The following LY86 variants were observed in gnomAD, a reference collection of about 807,000 sequenced individuals.
LY86 encodes the protein MD-1, RP105-associated.
Under a neutral mutation model 17.3 loss-of-function variants are expected in LY86, and 20 were observed. That is an observed-to-expected ratio of 1.15 (90% confidence interval 0.81 to 1.68). LY86 has a LOEUF of 1.68. Ranked by LOEUF, LY86 falls within the 40% of genes most tolerant of loss-of-function variation. LY86 has a pLI of 0.00. For synonymous variants in LY86, 74 were observed against 70.6 expected (o/e 1.05, Z -0.24); for missense variants, 200 against 191.9 (o/e 1.04, Z -0.25).
In LY86 at chr6:6,626,407, G is replaced by C; in HGVS notation, c.338G>C (p.Gly113Ala). Residue 113 changes from glycine to alanine, a missense_variant, in exon 3 of 5, where the codon GGA becomes GCA. Physicochemically the swap from Gly to Ala is moderately conservative, Grantham distance 60. Transcript: ENST00000230568. ...EAALPKFSFC[G>A]RRKGEQIYYA... ...GCTCTGCCCAAGTTTTCTTTCTGTGGAAGAAGGAAAGGAGGTAAGCCATCT... is the reference window on the plus strand; with the variant it reads ...GCTCTGCCCAAGTTTTCTTTCTGTGCAAGAAGGAAAGGAGGTAAGCCATCT... 1 of 1,613,810 alleles carries C rather than the reference G, an allele frequency of 6.2e-7. No homozygotes were observed.
At chr6:6,606,569 C>CG (rs977086160) in intron 1 of LY86, among the ~76,000 whole-genome samples, 17 of 152,152 alleles carry the variant, frequency 1.1e-4, no homozygotes, top group Admixed American at 3.9e-4. Flanking sequence ...GCCCACGGAG[C>CG]GGGGGGAGGC....
chr6:6,646,768 C>A (rs369401284), intron 3 of LY86, among the ~76,000 whole-genome samples: 8 of 152,154 alleles, frequency 5.3e-5, no homozygotes, highest in African/African-American at 1.9e-4. Context: ...TATGTCTAAC[C>A]CAACAGCCTT....
chr6:6,645,141 C>T (rs1429860914), intron 3 of LY86, among the ~76,000 whole-genome samples: 1 of 152,076 alleles, frequency 6.6e-6, no homozygotes, highest in Non-Finnish European at 1.5e-5. Context: ...TCATACTCAT[C>T]CATTTTTTAA....
intron 1 of LY86, among the ~76,000 whole-genome samples, chr6:6,614,988 A>G (rs1761518029): frequency 6.6e-6 from 1 of 152,210 alleles, no homozygotes; most frequent in East Asian, 1.9e-4. Flanking sequence ...TTAACGCTTC[A>G]TAAATTCTGT....
chr6:6,611,721 A>G (rs948395868), intron 1 of LY86, among the ~76,000 whole-genome samples: 1 of 152,176 alleles, frequency 6.6e-6, no homozygotes, highest in African/African-American at 2.4e-5. Context: ...CCTGAAAGTC[A>G]GGGGCTATGC....
chr6:6,608,796 C>T (rs142800947), intron 1 of LY86, among the ~76,000 whole-genome samples: 3 of 152,328 alleles, frequency 2.0e-5, no homozygotes, highest in African/African-American at 7.2e-5. Context: ...GAAACTCACA[C>T]GTGGTGTTTA....
At chr6:6,650,636 A>G (rs1299391477) in intron 4 of LY86, among the ~76,000 whole-genome samples, 1 of 152,216 alleles carries the variant, frequency 6.6e-6, no homozygotes, top group Admixed American at 6.5e-5. Flanking sequence ...TTATGGAACA[A>G]TATGAAAAGG....
intron 1 of LY86, among the ~76,000 whole-genome samples, chr6:6,612,676 C>T (rs1761414809): frequency 6.6e-6 from 1 of 152,176 alleles, no homozygotes; most frequent in South Asian, 2.1e-4. Flanking sequence ...GCTGATTGGT[C>T]CGTTTTGACA....
intron 3 of LY86, among the ~76,000 whole-genome samples, chr6:6,634,906 T>C (rs1054582986): frequency 1.3e-5 from 2 of 152,226 alleles, no homozygotes; most frequent in Non-Finnish European, 2.9e-5. Context: ...AAATGCTTTC[T>C]GCAAAATGCC....
chr6:6,607,480 TAAACAAAACAATAA>T lies in LY86; in HGVS notation c.137-17437_137-17424del, dbSNP rs535463493. 2.2e-3 allele frequency among the ~76,000 whole-genome samples: 340 copies of T among 151,368 alleles called. 2 individuals carry two copies. Among genetic ancestry groups the T allele is most frequent in the Non-Finnish European group, 3.6e-3 (245 of 67,740 alleles). ...AATAAAGTATATGATTTCCAAACTA[TAAACAAAACAATAA>T]AAACAAAAGAAAAAATTAAAATATT... is the stretch of plus-strand genomic sequence containing the variant. On this transcript the variant is annotated intron_variant, in intron 1 of 4. Transcript: ENST00000230568.
chr6:6,602,833 T>C (rs867867682), intron 1 of LY86, among the ~76,000 whole-genome samples: 2 of 152,300 alleles, frequency 1.3e-5, no homozygotes, highest in South Asian at 2.1e-4. Context: ...TGGACAAGCT[T>C]ACTCCCACAG....
At chr6:6,614,075 C>T (rs1468157401) in intron 1 of LY86, among the ~76,000 whole-genome samples, 1 of 152,164 alleles carries the variant, frequency 6.6e-6, no homozygotes, top group Non-Finnish European at 1.5e-5. Flanking sequence ...TGTTCAGGAA[C>T]ACAGGCAGCC....
At chr6:6,605,603 A>G (rs562519958) in intron 1 of LY86, among the ~76,000 whole-genome samples, 1 of 152,388 alleles carries the variant, frequency 6.6e-6, no homozygotes, top group East Asian at 1.9e-4. Flanking sequence ...GTCTCATGAC[A>G]TTGCAGCCTC....
intron 3 of LY86, among the ~76,000 whole-genome samples, chr6:6,632,681 A>C (rs562901852): frequency 5.3e-5 from 8 of 152,300 alleles, no homozygotes; most frequent in African/African-American, 1.9e-4. Flanking sequence ...CAAGTCTTTC[A>C]TGGCTATGTT....
intron 1 of LY86, among the ~76,000 whole-genome samples, chr6:6,589,665 G>A (rs1375628774): frequency 1.3e-5 from 2 of 152,120 alleles, no homozygotes; most frequent in Non-Finnish European, 2.9e-5. Flanking sequence ...TTTCTCCTGA[G>A]ACCTCTCTTC....
intron 1 of LY86, among the ~76,000 whole-genome samples, chr6:6,613,235 G>A (rs1164070502): frequency 6.6e-6 from 1 of 152,282 alleles, no homozygotes; most frequent in Admixed American, 6.5e-5. Flanking sequence ...CGGCACTAGG[G>A]CCGCAGGTGG....
chr6:6,605,698 T>C (rs566448009), intron 1 of LY86, among the ~76,000 whole-genome samples: 8 of 152,260 alleles, frequency 5.3e-5, no homozygotes, highest in East Asian at 3.9e-4. Flanking sequence ...ACTTAAAGAA[T>C]GAAGCCGCGG....
chr6:6,603,603 CAG>C (rs1491013405), intron 1 of LY86, among the ~76,000 whole-genome samples: 1 of 70,464 alleles, frequency 1.4e-5, no homozygotes, highest in African/African-American at 4.5e-5. Flanking sequence ...AAAACAGAAA[CAG>C]AAAAAAAAAC....
intron 1 of LY86, among the ~76,000 whole-genome samples, chr6:6,604,748 C>T (rs552718015): frequency 2.6e-5 from 4 of 151,806 alleles, no homozygotes; most frequent in Non-Finnish European, 5.9e-5. Context: ...CTACCCACAA[C>T]ATAGCAACGT....
Sources: gnomAD v4.1 joint callset for allele counts (sites outside exome capture counted in the v4.1 genomes callset) on GRCh38, gnomAD v4.1.1 for gene constraint, MANE v1.5 for transcripts, NCBI Gene and HGNC (gene_info 2026-07-23, HGNC 2026-07-21) for gene names.